Variants in SMAP1 observed in about 807,000 individuals in gnomAD.
SMAP1 encodes the protein small ArfGAP 1.
Under a neutral mutation model 58.5 loss-of-function variants are expected in SMAP1, and 24 were observed. That is an observed-to-expected ratio of 0.41 (90% CI 0.30 to 0.58). The LOEUF (loss-of-function observed/expected upper bound fraction) is 0.58. Ranked by LOEUF, SMAP1 falls within the 20% of genes least tolerant of loss-of-function variation. SMAP1 has a pLI of 0.29. For missense variants in SMAP1, 563 were observed against 566.3 expected (o/e 0.99, Z 0.06); for synonymous variants, 216 against 196.6 (o/e 1.10, Z -0.82).
chr6:70,729,046 G>A (rs1197391853), intron 1 of SMAP1, among the ~76,000 whole-genome samples: 2 of 151,372 alleles, frequency 1.3e-5, no homozygotes, highest in Non-Finnish European at 2.9e-5. Context: ...TCTTTGAAAC[G>A]ACCTCATTCT....
chr6:70,836,141 C>T (rs1054746640), intron 6 of SMAP1, among the ~76,000 whole-genome samples: 1 of 152,038 alleles, frequency 6.6e-6, no homozygotes, highest in Non-Finnish European at 1.5e-5. Context: ...ATGTATTAGT[C>T]CGTTTTCATG....
At chr6:70,816,737 G>T (rs1769645526) in intron 6 of SMAP1, among the ~76,000 whole-genome samples, 1 of 152,076 alleles carries the variant, frequency 6.6e-6, no homozygotes, top group Non-Finnish European at 1.5e-5. Flanking sequence ...GTATTAGTGT[G>T]ATTGTTAGTA....
At position 70,860,381 on chromosome 6, in the gene SMAP1, G is replaced by A. The variant is rs1222629603; in HGVS notation, c.*47G>A. On this transcript the variant is annotated 3_prime_UTR_variant, in exon 11 of 11. Coordinates refer to ENST00000370455, the MANE Select transcript of SMAP1 (RefSeq NM_001044305.3). Reference sequence around the variant, plus strand: ...CCAGAACTACCACCTGACATTCCTTGCTGAAACGCATCTAGTTCCCCTGTT... The same window carrying A: ...CCAGAACTACCACCTGACATTCCTTACTGAAACGCATCTAGTTCCCCTGTT... 1.3e-6 allele frequency: 2 copies of A among 1,567,542 alleles called. No homozygotes were observed. The highest frequency in any genetic ancestry group is 2.4e-5 in the South Asian group (2 of 83,428).
At chr6:70,704,544 G>A (rs561359748) in intron 1 of SMAP1, among the ~76,000 whole-genome samples, 12 of 152,056 alleles carry the variant, frequency 7.9e-5, no homozygotes, top group Non-Finnish European at 1.6e-4. Context: ...TCATAGAATG[G>A]TGAAAACATC....
At chr6:70,756,631 A>T (rs893855052) in intron 3 of SMAP1, among the ~76,000 whole-genome samples, 1 of 152,098 alleles carries the variant, frequency 6.6e-6, no homozygotes, top group Non-Finnish European at 1.5e-5. Context: ...GATGTAGAGT[A>T]GTTTAGACCT....
chr6:70,695,249 C>G lies in SMAP1; in HGVS notation c.118+27108C>G, dbSNP rs1767352390. Among the ~76,000 whole-genome samples, 3 of 152,120 alleles carry G rather than the reference C, an allele frequency of 2.0e-5. No individual in the cohort carries two copies. In the South Asian group the frequency reaches 6.2e-4, roughly 31 times the overall value. On this transcript the variant is annotated intron_variant, in intron 1 of 10. Transcript: ENST00000370455. ...ACAGACAAGTATACTTTGACTTTTT[C>G]CTTTCCAAATTGGATGCCCTTTCTT...
At chr6:70,775,087 G>A (rs1292167299) in intron 4 of SMAP1, among the ~76,000 whole-genome samples, 1 of 152,012 alleles carries the variant, frequency 6.6e-6, no homozygotes, top group Non-Finnish European at 1.5e-5. Context: ...GTGTAGCATT[G>A]GAGCTGCATT....
At chr6:70,801,804 T>C (rs1333497620) in intron 6 of SMAP1, among the ~76,000 whole-genome samples, 1 of 152,262 alleles carries the variant, frequency 6.6e-6, no homozygotes, top group Non-Finnish European at 1.5e-5. Context: ...TTGTCAAGTT[T>C]GTCAAAGATC....
intron 6 of SMAP1, among the ~76,000 whole-genome samples, chr6:70,821,160 A>T (rs1769873974): frequency 6.6e-6 from 1 of 152,028 alleles, no homozygotes; most frequent in Non-Finnish European, 1.5e-5. Context: ...TTAGATTTAT[A>T]TCAACAAGAT....
At chr6:70,736,551 A>G (rs925745909) in intron 2 of SMAP1, among the ~76,000 whole-genome samples, 2 of 152,256 alleles carry the variant, frequency 1.3e-5, no homozygotes, top group Middle Eastern at 3.2e-3. Context: ...AATTTGGTCT[A>G]TAGTGATAGT....
chr6:70,781,629 G>A (rs1043898555), intron 4 of SMAP1, among the ~76,000 whole-genome samples: 1 of 152,310 alleles, frequency 6.6e-6, no homozygotes, highest in East Asian at 1.9e-4. Flanking sequence ...TTCAGTGACT[G>A]TATCTTTTTC....
chr6:70,702,721 C>A (rs898591350), intron 1 of SMAP1, among the ~76,000 whole-genome samples: 13 of 151,670 alleles, frequency 8.6e-5, no homozygotes, highest in Non-Finnish European at 1.8e-4. Context: ...ACTGCAACCT[C>A]CCAGGCTCAA....
At chr6:70,817,140 T>TA (rs1554205797) in intron 6 of SMAP1, among the ~76,000 whole-genome samples, 53 of 141,014 alleles carry the variant, frequency 3.8e-4, no homozygotes, top group Middle Eastern at 3.7e-3. Context: ...ATATATATAT[T>TA]TTTTTTTTGC....
At chr6:70,798,847 A>C (rs1001511537) in intron 6 of SMAP1, 110 bp downstream of exon 6, 13 of 915,938 alleles carry the variant, frequency 1.4e-5, no homozygotes, top group Admixed American at 3.0e-5. Context: ...ATTATTTTCA[A>C]CAAGCAATTG....
chr6:70,668,556 G>T, intron 1 of SMAP1: 2 of 1,533,262 alleles, frequency 1.3e-6, no homozygotes, highest in Non-Finnish European at 1.7e-6. Context: ...CCGCGCTTAG[G>T]TCTGGATCCC....
chr6:70,690,386 A>T (rs988571093), intron 1 of SMAP1, among the ~76,000 whole-genome samples: 1 of 151,800 alleles, frequency 6.6e-6, no homozygotes, highest in Non-Finnish European at 1.5e-5. Flanking sequence ...GGCTCACTGC[A>T]ACCTCCGCCT....
rs1269878575 is a variant in SMAP1, at chr6:70,861,671, C to A, written c.*1337C>A. 6.2e-6 allele frequency: 10 copies of A among 1,613,502 alleles called. No homozygotes were observed. Among genetic ancestry groups the A allele is most frequent in the Non-Finnish European group, 8.5e-6 (10 of 1,179,486 alleles). ...CCAGTTGCTGCTTCAATTTATACCT[C>A]AATTTTCACTGTGTCCAGGTGGTAC... On this transcript the variant is annotated 3_prime_UTR_variant, in exon 11 of 11. Coordinates refer to ENST00000370455, the MANE Select transcript of SMAP1 (RefSeq NM_001044305.3).
intron 3 of SMAP1, among the ~76,000 whole-genome samples, chr6:70,767,205 G>A (rs1167976868): frequency 6.6e-6 from 1 of 151,770 alleles, no homozygotes; most frequent in Admixed American, 6.6e-5. Flanking sequence ...TGTTCTTTTG[G>A]CTTAGGATTG....
intron 1 of SMAP1, among the ~76,000 whole-genome samples, chr6:70,680,444 A>G (rs1286471152): frequency 6.6e-6 from 1 of 152,240 alleles, no homozygotes; most frequent in Non-Finnish European, 1.5e-5. Context: ...GAATATCTAA[A>G]GAAATAATGC....
Sources: gnomAD v4.1 joint callset for allele counts (sites outside exome capture counted in the v4.1 genomes callset) on GRCh38, gnomAD v4.1.1 for gene constraint, MANE v1.5 for transcripts, NCBI Gene and HGNC (gene_info 2026-07-23, HGNC 2026-07-21) for gene names.